PDE4B: variants seen among roughly 807,000 people sequenced by gnomAD.
The protein encoded by PDE4B is 3',5'-cyclic-AMP phosphodiesterase 4B.
Under a neutral mutation model 82.2 loss-of-function variants are expected in PDE4B, and 20 were observed. The ratio of observed to expected loss-of-function variants is 0.24; its 90% CI spans 0.17 to 0.35. The LOEUF (loss-of-function observed/expected upper bound fraction) is 0.35, where lower values mean the gene tolerates loss of function less well. Ranked by LOEUF, PDE4B falls within the 10% of genes least tolerant of loss-of-function variation. The pLI is 1.00. For synonymous variants in PDE4B, 320 were observed against 318.9 expected, an observed-to-expected ratio of 1.00 and a Z score of -0.04; for missense variants, 655 against 907.2, an observed-to-expected ratio of 0.72 and a Z score of 3.57.
chr1:66,221,073 G>A (rs766002760), intron 3 of PDE4B, among the ~76,000 whole-genome samples: 1 of 151,760 alleles, frequency 6.6e-6, no homozygotes, highest in Non-Finnish European at 1.5e-5. Flanking sequence ...AAAGATTTTG[G>A]GAGCACCTAC....
intron 1 of PDE4B, among the ~76,000 whole-genome samples, chr1:65,877,581 C>T (rs1171715407): frequency 6.6e-6 from 1 of 151,578 alleles, no homozygotes; most frequent in Non-Finnish European, 1.5e-5. Context: ...TGCCACTGTA[C>T]CCCAGCCTGG....
At chr1:65,994,160 A>G (rs915892181) in intron 3 of PDE4B, among the ~76,000 whole-genome samples, 8 of 152,206 alleles carry the variant, frequency 5.3e-5, no homozygotes, top group African/African-American at 1.9e-4. Context: ...AACATTATAA[A>G]TTGAGGAGAT....
intron 3 of PDE4B, among the ~76,000 whole-genome samples, chr1:66,183,122 C>G (rs1647105322): frequency 6.6e-6 from 1 of 152,186 alleles, no homozygotes; most frequent in Non-Finnish European, 1.5e-5. Flanking sequence ...CAGTTCCCAA[C>G]ACCATTTCCT....
chr1:65,978,050 G>A (rs1650501111), intron 3 of PDE4B, among the ~76,000 whole-genome samples: 1 of 142,188 alleles, frequency 7.0e-6, no homozygotes, highest in Non-Finnish European at 1.5e-5. Context: ...TTTTTGAGAT[G>A]GGGTTTTGCT....
At chr1:66,140,956 A>G (rs200719589) in intron 3 of PDE4B, among the ~76,000 whole-genome samples, 1 of 152,206 alleles carries the variant, frequency 6.6e-6, no homozygotes, top group East Asian at 1.9e-4. Flanking sequence ...TAACAACATC[A>G]TATTAACATT....
At chr1:66,106,919 T>A (rs2101039952) in intron 3 of PDE4B, among the ~76,000 whole-genome samples, 1 of 140,144 alleles carries the variant, frequency 7.1e-6, no homozygotes, top group South Asian at 2.5e-4. Flanking sequence ...TTTGAAGGGT[T>A]TTTTGTGTCT....
intron 12 of PDE4B, among the ~76,000 whole-genome samples, chr1:66,364,162 A>G (rs1049722958): frequency 4.6e-5 from 7 of 152,216 alleles, no homozygotes; most frequent in African/African-American, 1.4e-4. Flanking sequence ...CTAGGTATAT[A>G]TAGAGCACTA....
intron 7 of PDE4B, among the ~76,000 whole-genome samples, chr1:66,297,244 A>G (rs773278821): frequency 5.9e-5 from 9 of 152,146 alleles, no homozygotes; most frequent in Non-Finnish European, 8.8e-5. Context: ...TAGAAAATCC[A>G]TTATTACCTA....
intron 1 of PDE4B, among the ~76,000 whole-genome samples, chr1:65,824,611 A>T (rs1041849109): frequency 6.8e-6 from 1 of 147,020 alleles, no homozygotes; most frequent in African/African-American, 2.5e-5. Flanking sequence ...TACTTCACCT[A>T]CATATATATA....
In PDE4B at chr1:66,060,398, T is replaced by G. The variant is rs535656045; in HGVS notation, c.281+141563T>G. ...TACTTGTTGTTTCCTTAAAGGAACA[T>G]TCAGAAAAATGTAGCACTCTTTATG... On this transcript the variant is annotated intron_variant, in intron 3 of 16. Coordinates refer to ENST00000341517, the MANE Select transcript of PDE4B (RefSeq NM_002600.4). Among the ~76,000 whole-genome samples, 3 of 152,334 alleles carry G rather than the reference T, an allele frequency of 2.0e-5. No homozygotes were observed. In the East Asian group the frequency reaches 5.8e-4, roughly 29 times the overall value.
chr1:66,372,367 G>T lies in PDE4B; in HGVS notation c.1900G>T (p.Val634Leu). 1 of 1,614,028 alleles carries T rather than the reference G, an allele frequency of 6.2e-7. No individual in the cohort carries two copies. Among genetic ancestry groups the T allele is most frequent in the Non-Finnish European group, 8.5e-7 (1 of 1,179,914 alleles). ...HPLWETWADL[V>L]QPDAQDILDT... is the part of the protein sequence containing the mutation. ...ATTGTGGGAGACATGGGCAGATTTG[G>T]TACAGCCTGATGCTCAGGACATTCT... The change falls in exon 17 of 17, where the codon GTA becomes TTA. Residue 634 changes from valine (V) to leucine (L), a missense_variant. Around this residue, in one of 3 missense-constraint regions of PDE4B, gnomAD observed 283 missense variants for 516.4 expected, o/e 0.55. Coordinates refer to ENST00000341517, the MANE Select transcript of PDE4B (RefSeq NM_002600.4).
intron 3 of PDE4B, among the ~76,000 whole-genome samples, chr1:66,135,392 CAG>C (rs1646036180): frequency 6.6e-6 from 1 of 152,118 alleles, no homozygotes; most frequent in African/African-American, 2.4e-5. Flanking sequence ...GGACTAGAAT[CAG>C]AGAGACAAGT....
At chr1:66,049,283 T>A (rs190559194) in intron 3 of PDE4B, among the ~76,000 whole-genome samples, 25 of 152,194 alleles carry the variant, frequency 1.6e-4, no homozygotes, top group African/African-American at 5.5e-4. Context: ...ATGGAAAAGC[T>A]ACAATCTCTG....
intron 3 of PDE4B, among the ~76,000 whole-genome samples, chr1:66,121,144 A>T (rs138806143): frequency 5.3e-5 from 8 of 152,288 alleles, no homozygotes; most frequent in Non-Finnish European, 1.2e-4. Flanking sequence ...AGGAAGTAAG[A>T]TATGGAGTCA....
intron 1 of PDE4B, among the ~76,000 whole-genome samples, chr1:65,855,239 GT>G (rs1646379757): frequency 6.6e-6 from 1 of 151,680 alleles, no homozygotes; most frequent in Admixed American, 6.6e-5. Flanking sequence ...ATATTTTCCA[GT>G]TTCTTTTCCA....
intron 1 of PDE4B, among the ~76,000 whole-genome samples, chr1:65,843,554 C>T (rs1646233487): frequency 6.6e-6 from 1 of 152,052 alleles, no homozygotes; most frequent in Non-Finnish European, 1.5e-5. Context: ...GAAGAATGTT[C>T]ATTGGTGTAT....
chr1:66,184,436 A>AT (rs1647137880), intron 3 of PDE4B, among the ~76,000 whole-genome samples: 1 of 152,176 alleles, frequency 6.6e-6, no homozygotes, highest in South Asian at 2.1e-4. Context: ...TAGGTCTTTC[A>AT]TTTTAGTAAG....
intron 3 of PDE4B, among the ~76,000 whole-genome samples, chr1:66,124,402 A>T (rs1004672210): frequency 5.3e-5 from 8 of 152,240 alleles, no homozygotes; most frequent in African/African-American, 1.9e-4. Context: ...CTTATAAATT[A>T]TTCAATTGGA....
At chr1:65,874,430 C>T (rs1235659944) in intron 1 of PDE4B, among the ~76,000 whole-genome samples, 1 of 152,080 alleles carries the variant, frequency 6.6e-6, no homozygotes, top group Non-Finnish European at 1.5e-5. Flanking sequence ...GCCTAATTGC[C>T]CTGGCCAGAA....
Sources: gnomAD v4.1 joint callset for allele counts (sites outside exome capture counted in the v4.1 genomes callset) on GRCh38, gnomAD v4.1.1 for gene constraint, gnomAD v4.1.1 regional missense constraint, MANE v1.5 for transcripts, NCBI Gene and HGNC (gene_info 2026-07-23, HGNC 2026-07-21) for gene names.